Variants in MACROD2 observed in about 807,000 individuals in gnomAD.
The protein encoded by MACROD2 is mono-ADP ribosylhydrolase 2, also known as ADP-ribose glycohydrolase MACROD2.
A neutral mutation model predicts 70.4 loss-of-function variants in MACROD2; 36 were observed. The ratio of observed to expected loss-of-function variants is 0.51; its 90% CI spans 0.39 to 0.68. The LOEUF is 0.68. Among genes scored for constraint, MACROD2 ranks in the 30% least tolerant of loss-of-function variants. The probability of loss-of-function intolerance (pLI) is 0.00; values close to 1 mark genes in which losing one functional copy is unlikely to be tolerated. For synonymous variants in MACROD2, 172 were observed against 178.8 expected (o/e 0.96, Z 0.30); for missense variants, 496 against 538.4 (o/e 0.92, Z 0.78).
intron 3 of MACROD2, among the ~76,000 whole-genome samples, chr20:14,259,534 C>G (rs1417512757): frequency 6.6e-6 from 1 of 152,048 alleles, no homozygotes; most frequent in Non-Finnish European, 1.5e-5. Context: ...TTCAATGTAA[C>G]TGGTAAAAAC....
At chr20:15,514,033 GA>G (rs1241100785) in intron 8 of MACROD2, among the ~76,000 whole-genome samples, 1 of 149,254 alleles carries the variant, frequency 6.7e-6, no homozygotes, top group Non-Finnish European at 1.5e-5. Flanking sequence ...GTTAAAAACA[GA>G]AAAAACTTAC....
chr20:15,773,276 T>G (rs2051667234), intron 8 of MACROD2, among the ~76,000 whole-genome samples: 1 of 152,130 alleles, frequency 6.6e-6, no homozygotes, highest in African/African-American at 2.4e-5. Flanking sequence ...GTCACAGATG[T>G]TAAGTTGTAA....
At chr20:14,710,176 GGAGACCTC>G (rs2123660207) in intron 5 of MACROD2, among the ~76,000 whole-genome samples, 1 of 152,220 alleles carries the variant, frequency 6.6e-6, no homozygotes, top group Admixed American at 6.5e-5. Flanking sequence ...GAGTAAGCAA[GGAGACCTC>G]GAGTGGCCAA....
intron 4 of MACROD2, among the ~76,000 whole-genome samples, chr20:14,615,777 C>A (rs536363711): frequency 1.2e-4 from 18 of 151,956 alleles, no homozygotes; most frequent in African/African-American, 4.3e-4. Flanking sequence ...GGTAACAAGC[C>A]AATGAAATAA....
At chr20:15,615,335 T>C (rs1006623634) in intron 8 of MACROD2, among the ~76,000 whole-genome samples, 3 of 152,166 alleles carry the variant, frequency 2.0e-5, no homozygotes, top group Non-Finnish European at 4.4e-5. Context: ...TTTTCAGAGA[T>C]GAAAAACCAT....
At chr20:15,530,470 C>A (rs1043107819) in intron 8 of MACROD2, among the ~76,000 whole-genome samples, 1 of 152,002 alleles carries the variant, frequency 6.6e-6, no homozygotes, top group Non-Finnish European at 1.5e-5. Flanking sequence ...TGGTGGCTCA[C>A]GCCTGTAATC....
chr20:14,952,201 T>A (rs2074481592), intron 5 of MACROD2, among the ~76,000 whole-genome samples: 3 of 152,126 alleles, frequency 2.0e-5, no homozygotes, highest in Admixed American at 1.3e-4. Flanking sequence ...CAAAGGAAAG[T>A]GGAAATTCGG....
chr20:15,415,331 T>C (rs1256653420), intron 6 of MACROD2, among the ~76,000 whole-genome samples: 1 of 152,230 alleles, frequency 6.6e-6, no homozygotes, highest in Non-Finnish European at 1.5e-5. Context: ...AAGTCTTGTC[T>C]AATCATTGGC....
At position 15,758,539 on chromosome 20, in the gene MACROD2, C is replaced by CTT. The variant is rs11337973; in HGVS notation, c.646-104191_646-104190dup. Among the ~76,000 whole-genome samples the CTT allele has an allele frequency of 5.0e-3, 698 of 140,982 alleles. 5 individuals carry two copies. The highest frequency in any genetic ancestry group is 0.015 in the African/African-American group (570 of 38,110). The allele number at this position is 140,982 out of a possible 152,430, so 92.5% of individuals were successfully genotyped here. On this transcript the variant is annotated intron_variant, in intron 8 of 17. Transcript: ENST00000684519. ...ACAGGCGTGAGTCACTGCACCCAGT[C>CTT]TTTTTTTTTTTTTTTTAAGAAACTG...
At position 15,492,195 on chromosome 20, in the gene MACROD2, G is replaced by C. The variant is rs373136944; in HGVS notation, c.572-7579G>C. Reference sequence around the variant, plus strand: ...GGTCTAGCAAGTGCTTAACGGTGAGGCTCCTTCAGCTCATTTCTCTCAAGT... The same window carrying C: ...GGTCTAGCAAGTGCTTAACGGTGAGCCTCCTTCAGCTCATTTCTCTCAAGT... On this transcript the variant is annotated intron_variant, in intron 7 of 17. Transcript: ENST00000684519. Among the ~76,000 whole-genome samples the C allele has an allele frequency of 3.1e-4, 47 of 152,274 alleles. 2 individuals carry two copies. In the South Asian group the frequency reaches 8.5e-3, roughly 28 times the overall value.
At chr20:14,075,449 G>T (rs935163443) in intron 2 of MACROD2, among the ~76,000 whole-genome samples, 8 of 152,150 alleles carry the variant, frequency 5.3e-5, no homozygotes, top group Non-Finnish European at 1.2e-4. Flanking sequence ...GTGGATAGGA[G>T]GGACTACTAG....
intron 6 of MACROD2, among the ~76,000 whole-genome samples, chr20:15,401,295 C>G (rs1473710174): frequency 6.6e-6 from 1 of 152,204 alleles, no homozygotes; most frequent in Non-Finnish European, 1.5e-5. Context: ...GCCTCGGCCT[C>G]CCAAAGTGCT....
chr20:15,679,236 CA>C (rs35869757), intron 8 of MACROD2, among the ~76,000 whole-genome samples: 7,185 of 109,236 alleles, frequency 0.066, 267 homozygotes, highest in East Asian at 0.2. Context: ...GACTCCATCT[CA>C]AAAAAAAAAA....
At chr20:15,340,884 TCA>T (rs2078104052) in intron 6 of MACROD2, among the ~76,000 whole-genome samples, 1 of 152,116 alleles carries the variant, frequency 6.6e-6, no homozygotes, top group Admixed American at 6.6e-5. Context: ...AGATAGGGTC[TCA>T]TTATGTTGCC....
intron 7 of MACROD2, among the ~76,000 whole-genome samples, chr20:15,455,006 A>G (rs995015632): frequency 6.6e-6 from 1 of 152,110 alleles, no homozygotes; most frequent in Non-Finnish European, 1.5e-5. Flanking sequence ...ATTTACTCTC[A>G]TTGATGAGGA....
At chr20:14,576,551 C>T (rs1470787637) in intron 4 of MACROD2, among the ~76,000 whole-genome samples, 1 of 152,144 alleles carries the variant, frequency 6.6e-6, no homozygotes, top group East Asian at 1.9e-4. Context: ...TTAATTTAGA[C>T]AATGCAAAAT....
At chr20:15,165,742 A>G (rs898670313) in intron 5 of MACROD2, among the ~76,000 whole-genome samples, 1 of 152,172 alleles carries the variant, frequency 6.6e-6, no homozygotes, top group East Asian at 1.9e-4. Context: ...GGCCAATATA[A>G]TCTTCATGCC....
chr20:14,496,018 C>T (rs1271931048), intron 4 of MACROD2, among the ~76,000 whole-genome samples: 2 of 152,106 alleles, frequency 1.3e-5, no homozygotes, highest in Non-Finnish European at 1.5e-5. Context: ...TGGAAAGCTG[C>T]ATTTAAAAAT....
At chr20:15,347,976 A>G (rs1002707396) in intron 6 of MACROD2, among the ~76,000 whole-genome samples, 3 of 152,210 alleles carry the variant, frequency 2.0e-5, no homozygotes, top group African/African-American at 7.2e-5. Context: ...CCTTGCAAGT[A>G]TGTCAAAGAC....
Sources: gnomAD v4.1 joint callset for allele counts (sites outside exome capture counted in the v4.1 genomes callset) on GRCh38, gnomAD v4.1.1 for gene constraint, MANE v1.5 for transcripts, NCBI Gene and HGNC (gene_info 2026-07-23, HGNC 2026-07-21) for gene names.